The following POLR1C variants were observed in gnomAD, a reference collection of about 807,000 sequenced individuals.
POLR1C encodes the protein DNA-directed RNA polymerases I and III subunit RPAC1.
In POLR1C, 42 loss-of-function variants were observed where a neutral mutation model predicts 38.3. The observed-to-expected ratio is 1.10, with a 90% CI of 0.86 to 1.42. The LOEUF (loss-of-function observed/expected upper bound fraction) is 1.42. Ranked by LOEUF, POLR1C falls within the 40% of genes most tolerant of loss-of-function variation. The pLI, the probability that POLR1C is intolerant of heterozygous loss-of-function variation, is 0.00. For synonymous variants in POLR1C, 163 were observed against 163.9 expected, an observed-to-expected ratio of 0.99 and a Z score of 0.04; for missense variants, 507 against 450.5, an observed-to-expected ratio of 1.13 and a Z score of -1.14.
chr6:43,525,964 C>A, downstream of POLR1C: 1 of 1,605,900 alleles, frequency 6.2e-7, no homozygotes, highest in Non-Finnish European at 8.5e-7. Flanking sequence ...CCTTTCAGAA[C>A]AGAGAAGAAT....
chr6:43,554,302 G>A (rs1761902168), intron 10 of POLR1C, among the ~76,000 whole-genome samples: 1 of 151,530 alleles, frequency 6.6e-6, no homozygotes, highest in South Asian at 2.1e-4. Context: ...TAGTAGAGAC[G>A]AGGTTTCACC....
chr6:43,533,980 T>C (rs762140958), downstream of POLR1C: 17 of 1,604,490 alleles, frequency 1.1e-5, no homozygotes, highest in Non-Finnish European at 1.4e-5. Context: ...TGGCTAGCAT[T>C]TCTGGTGCAT....
intron 9 of POLR1C, chr6:43,539,662 A>C: frequency 4.5e-6 from 5 of 1,111,536 alleles, no homozygotes; most frequent in Non-Finnish European, 6.5e-6. Flanking sequence ...CAGGGCCACC[A>C]GGGCCTCCAG....
intron 2 of POLR1C, 92 bp from the exon 3 acceptor site, chr6:43,519,241 A>G: frequency 1.3e-6 from 1 of 793,888 alleles, no homozygotes; most frequent in South Asian, 1.4e-5. Context: ...GGATGAGAGG[A>G]TAATACTTGA....
downstream of POLR1C, chr6:43,524,131 C>T: frequency 7.3e-7 from 1 of 1,365,866 alleles, no homozygotes; most frequent in Non-Finnish European, 9.8e-7. Context: ...GCGGGTGGAT[C>T]ACCTGAGGTC....
At chr6:43,517,435 G>C in intron 2 of POLR1C, 58 bp downstream of exon 2, 31 of 1,432,270 alleles carry the variant, frequency 2.2e-5, no homozygotes. Context: ...TGTGGTCTGA[G>C]CAGCCTGTGT....
In POLR1C at chr6:43,553,510, A is replaced by AAC. The variant is rs749301680; in HGVS notation, c.*48+2513_*48+2514dup. 207 of 1,503,468 alleles carry AAC rather than the reference A, an allele frequency of 1.4e-4. No homozygotes were observed. Among genetic ancestry groups the AAC allele is most frequent in the East Asian group, 6.6e-4 (25 of 38,060 alleles). The allele number at this position is 1,503,468 out of a possible 1,614,324, so 93.1% of individuals were successfully genotyped here. On this transcript the variant is annotated intron_variant, in intron 10 of 10. Coordinates refer to the POLR1C transcript ENST00000607635. ...GTTCCAACTGCAGAACAAGCTTTAAAACACACACACACACATACACACACA... is the reference window on the plus strand; with the variant it reads ...GTTCCAACTGCAGAACAAGCTTTAAAACACACACACACACACATACACACACA...
At chr6:43,523,252 A>AAGTTTAGC, downstream of POLR1C, 1 of 192,684 alleles carries the variant, frequency 5.2e-6, no homozygotes, top group Non-Finnish European at 1.1e-5. Flanking sequence ...ATACTGTGCC[A>AAGTTTAGC]AGTTTAGCAG....
chr6:43,553,340 A>AAGG (rs1178962601), intron 10 of POLR1C: 17 of 1,589,526 alleles, frequency 1.1e-5, no homozygotes, highest in Non-Finnish European at 1.4e-5. Context: ...GGTCAAAATA[A>AAGG]TCATGCAGTC....
At position 43,519,932 on chromosome 6, in the gene POLR1C, T is replaced by C. The variant is rs1793050973; in HGVS notation, c.382+94T>C. 4.5e-6 allele frequency: 7 copies of C among 1,539,006 alleles called. No homozygotes were observed. In the East Asian group the frequency reaches 7.1e-5, roughly 16 times the overall value. On this transcript the variant is annotated intron_variant, in intron 4 of 8. Coordinates refer to ENST00000642195, the MANE Select transcript of POLR1C (RefSeq NM_203290.4). ...TAAGTTACTTATCTTTGTACATCAG[T>C]GTCTTTCATCTGTGAGAACACTTGC... is the stretch of plus-strand genomic sequence containing the variant.
chr6:43,524,329 G>A, downstream of POLR1C: 9 of 1,183,270 alleles, frequency 7.6e-6, no homozygotes, highest in South Asian at 1.5e-4. Flanking sequence ...TCCAGCCTGG[G>A]CAACAAGAGT....
At chr6:43,534,511 C>A (rs187768279), downstream of POLR1C, among the ~76,000 whole-genome samples, 1 of 152,270 alleles carries the variant, frequency 6.6e-6, no homozygotes, top group Non-Finnish European at 1.5e-5. Flanking sequence ...CCAAAATGAC[C>A]TACCTGAGCA....
intron 2 of POLR1C, 81 bp downstream of exon 2, chr6:43,517,458 C>T (rs954193271): frequency 8.0e-7 from 1 of 1,242,902 alleles, no homozygotes; most frequent in African/African-American, 1.5e-5. Context: ...GTCTCAGAAG[C>T]TGCTCTTGGG....
In POLR1C at chr6:43,553,940, C is replaced by G. The variant is rs116406689; in HGVS notation, c.*48+2929C>G. Among the ~76,000 whole-genome samples, 622 of 152,224 alleles carry G rather than the reference C, an allele frequency of 4.1e-3. 5 individuals are homozygous for G. The highest frequency in any genetic ancestry group is 0.014 in the African/African-American group (596 of 41,538). On this transcript the variant is annotated intron_variant, in intron 10 of 10. Transcript: ENST00000607635. ...AAAATTGAGACCATAAAGAATCTTCCCAATAAGGAAACAATGTAATATACA... is the reference window on the plus strand; with the variant it reads ...AAAATTGAGACCATAAAGAATCTTCGCAATAAGGAAACAATGTAATATACA...
downstream of POLR1C, chr6:43,530,774 G>A (rs762818115): frequency 6.2e-7 from 1 of 1,613,880 alleles, no homozygotes; most frequent in Non-Finnish European, 8.5e-7. Flanking sequence ...GTCCTCCACA[G>A]TATAGAAGTC....
intron 10 of POLR1C, chr6:43,560,366 T>G: frequency 6.7e-7 from 1 of 1,496,786 alleles, no homozygotes; most frequent in South Asian, 1.3e-5. Flanking sequence ...AGATTATTAC[T>G]TAGCAGTTAT....
At chr6:43,524,804 T>TCCTTCCCCCATG (rs369159546), downstream of POLR1C, 25,883 of 1,611,432 alleles carry the variant, frequency 0.016, 362 homozygotes, top group African/African-American at 0.066. Flanking sequence ...GCTGCAGCCA[T>TCCTTCCCCCATG]CCTTCCCCCA....
chr6:43,558,706 G>A (rs903937892), intron 10 of POLR1C: 5 of 733,004 alleles, frequency 6.8e-6, no homozygotes, highest in Admixed American at 3.4e-5. Context: ...GTTTGCATGA[G>A]ATATTGTATG....
At chr6:43,518,130 T>C (rs952060864) in intron 2 of POLR1C, among the ~76,000 whole-genome samples, 11 of 152,122 alleles carry the variant, frequency 7.2e-5, no homozygotes, top group African/African-American at 2.6e-4. Context: ...CTGTTGATGA[T>C]AGGGAGATTG....
Sources: allele counts gnomAD v4.1 joint callset (sites outside exome capture counted in the v4.1 genomes callset), GRCh38; gene constraint gnomAD v4.1.1; transcripts MANE v1.5; gene names NCBI Gene and HGNC (gene_info 2026-07-23, HGNC 2026-07-21).